Variants in METTL22 observed in about 807,000 individuals in gnomAD.
METTL22 encodes methyltransferase 22, Kin17 lysine, also known as methyltransferase-like protein 22.
A neutral mutation model predicts 48.4 loss-of-function variants in METTL22; 51 were observed. That is an observed-to-expected ratio of 1.05 (90% confidence interval 0.84 to 1.33). The LOEUF (loss-of-function observed/expected upper bound fraction) is 1.33, where lower values mean the gene tolerates loss of function less well. METTL22 is among the 40% of genes most tolerant of loss of function. The pLI is 0.00. For missense variants in METTL22, 678 were observed against 526.9 expected, an observed-to-expected ratio of 1.29 and a Z score of -2.81; for synonymous variants, 255 against 214.1, an observed-to-expected ratio of 1.19 and a Z score of -1.67.
chr16:8,641,187 G>T lies in METTL22; in HGVS notation c.826+3G>T, dbSNP rs376287286. On this transcript the variant is annotated splice_donor_region_variant and intron_variant, in intron 7 of 10. Transcript: ENST00000381920. ...GCTGAAGGACGACCTCTGCACAGGT[G>T]TGTGTTTCTCTCGGACGTCCCCCAG... The T allele has an allele frequency of 2.2e-5, 35 of 1,613,870 alleles. No individual in the cohort carries two copies. The highest frequency in any genetic ancestry group is 2.0e-4 in the East Asian group (9 of 44,896).
downstream of METTL22, among the ~76,000 whole-genome samples, chr16:8,651,276 A>T (rs922913472): frequency 1.3e-5 from 2 of 148,584 alleles, no homozygotes; most frequent in Non-Finnish European, 3.0e-5. Flanking sequence ...AGTCCCAGCT[A>T]TTCGGGAGGC....
chr16:8,627,780 C>T (rs1367482530), intron 2 of METTL22, among the ~76,000 whole-genome samples: 1 of 152,186 alleles, frequency 6.6e-6, no homozygotes, highest in African/African-American at 2.4e-5. Flanking sequence ...GGGTCTCATT[C>T]TGTCACCCAA....
At chr16:8,657,351 T>G in the METTL22 span, among the ~76,000 whole-genome samples, 1 of 152,172 alleles carries the variant, frequency 6.6e-6, no homozygotes, top group South Asian at 2.1e-4. Context: ...TAATAATTTG[T>G]GCGTAGTTAA....
chr16:8,640,929 G>T (rs1360664718), intron 6 of METTL22, among the ~76,000 whole-genome samples: 2 of 85,308 alleles, frequency 2.3e-5, no homozygotes, highest in Non-Finnish European at 5.3e-5. Context: ...TGGATGGATG[G>T]ATGGATGGAT....
downstream of METTL22, among the ~76,000 whole-genome samples, chr16:8,651,516 A>C (rs1185885205): frequency 6.6e-6 from 1 of 152,060 alleles, no homozygotes; most frequent in Non-Finnish European, 1.5e-5. Flanking sequence ...GGAATTTTCA[A>C]CTTGCACCTT....
intron 2 of METTL22, 127 bp from the exon 3 acceptor site, chr16:8,628,603 T>G: frequency 8.7e-6 from 11 of 1,257,506 alleles, no homozygotes; most frequent in East Asian, 5.2e-5. Context: ...TCTGCTGGCA[T>G]TAGTATATCT....
At chr16:8,637,936 G>C (rs956365340) in intron 5 of METTL22, among the ~76,000 whole-genome samples, 6 of 151,308 alleles carry the variant, frequency 4.0e-5, no homozygotes, top group Non-Finnish European at 7.4e-5. Context: ...TCAGGAGTTT[G>C]AGAGCAGCTT....
At chr16:8,639,770 C>G (rs575311431) in intron 6 of METTL22, 3 of 154,184 alleles carry the variant, frequency 1.9e-5, no homozygotes, top group Admixed American at 1.9e-4. Flanking sequence ...TGATGGGTGA[C>G]GACAGTTATG....
chr16:8,664,116 C>G, the METTL22 span, among the ~76,000 whole-genome samples: 4 of 149,250 alleles, frequency 2.7e-5, no homozygotes, highest in African/African-American at 9.9e-5. Flanking sequence ...TAGATGGAGT[C>G]TCGCTCTGTT....
chr16:8,650,890 G>A (rs1446778592), downstream of METTL22, among the ~76,000 whole-genome samples: 1 of 152,142 alleles, frequency 6.6e-6, no homozygotes, highest in Non-Finnish European at 1.5e-5. Context: ...GCTGGGCATG[G>A]TGGCGTGCCT....
At chr16:8,635,419 T>G in intron 5 of METTL22, 107 bp downstream of exon 5, 1 of 1,351,084 alleles carries the variant, frequency 7.4e-7, no homozygotes, top group Non-Finnish European at 9.8e-7. Flanking sequence ...TGTTAGCTGT[T>G]GTTGATTTTG....
intron 10 of METTL22, 117 bp from the exon 11 acceptor site, chr16:8,645,991 G>T (rs2056782728): frequency 2.0e-6 from 3 of 1,513,800 alleles, no homozygotes; most frequent in Admixed American, 2.1e-5. Context: ...CAGCTCGCCT[G>T]CTCCGTGGCT....
intron 3 of METTL22, 93 bp from the exon 4 acceptor site, chr16:8,634,946 C>T (rs1381436657): frequency 6.5e-7 from 1 of 1,535,988 alleles, no homozygotes; most frequent in East Asian, 2.2e-5. Context: ...GCCCATCTGA[C>T]CGTGCTGGCG....
chr16:8,646,846 C>T lies in METTL22; in HGVS notation c.*703C>T. ...ACTCATTTTCCCTCCGCCCCTTGGT[C>T]TCTCTGTCTTATCACGTGTGTACAT... On this transcript the variant is annotated 3_prime_UTR_variant, in exon 11 of 11. Transcript: ENST00000381920. The T allele has an allele frequency of 2.7e-6, 1 of 373,310 alleles. No homozygotes were observed. Among genetic ancestry groups the T allele is most frequent in the Non-Finnish European group, 5.3e-6 (1 of 188,584 alleles). The allele number at this position is 373,310 out of a possible 1,614,324, so 23.1% of individuals were successfully genotyped here. A position where few individuals can be genotyped will look rare whatever the true frequency, so the allele number is the denominator to read the frequency against.
At chr16:8,661,818 C>T in the METTL22 span, among the ~76,000 whole-genome samples, 8 of 144,178 alleles carry the variant, frequency 5.5e-5, no homozygotes, top group Non-Finnish European at 1.2e-4. Flanking sequence ...AGCAATCCTC[C>T]CACTTTGGCC....
intron 1 of METTL22, among the ~76,000 whole-genome samples, chr16:8,624,438 G>T (rs1180822216): frequency 2.0e-5 from 3 of 150,488 alleles, no homozygotes; most frequent in Non-Finnish European, 4.4e-5. Flanking sequence ...AGAGTGCAGT[G>T]ACGCATTCTC....
chr16:8,644,791 A>G, intron 10 of METTL22, 66 bp downstream of exon 10: 1 of 1,438,634 alleles, frequency 7.0e-7, no homozygotes, highest in Non-Finnish European at 9.2e-7. Flanking sequence ...TCCAGGGCAA[A>G]GAGGTGATGA....
At chr16:8,638,318 C>A (rs1335859190) in intron 5 of METTL22, among the ~76,000 whole-genome samples, 1 of 152,092 alleles carries the variant, frequency 6.6e-6, no homozygotes, top group Admixed American at 6.6e-5. Context: ...CACTGTGGGT[C>A]CACGCCCACA....
chr16:8,636,062 C>G (rs759933551), intron 5 of METTL22, among the ~76,000 whole-genome samples: 13 of 152,076 alleles, frequency 8.5e-5, no homozygotes, highest in Non-Finnish European at 1.8e-4. Context: ...GTGGACCTTC[C>G]ACTCAAATAG....
Sources: allele counts gnomAD v4.1 joint callset (sites outside exome capture counted in the v4.1 genomes callset), GRCh38; gene constraint gnomAD v4.1.1; transcripts MANE v1.5; gene names NCBI Gene and HGNC (gene_info 2026-07-23, HGNC 2026-07-21).